FOXP4: variants seen among roughly 807,000 people sequenced by gnomAD.
FOXP4 encodes forkhead box protein P4.
Under a neutral mutation model 82.6 loss-of-function variants are expected in FOXP4, and 25 were observed. The ratio of observed to expected loss-of-function variants is 0.30; its 90% CI spans 0.22 to 0.42. The LOEUF is 0.42. FOXP4 is among the 10% of genes least tolerant of loss of function. The pLI is 1.00. For synonymous variants in FOXP4, 415 were observed against 388.2 expected, an observed-to-expected ratio of 1.07 and a Z score of -0.81; for missense variants, 785 against 900.9, an observed-to-expected ratio of 0.87 and a Z score of 1.65.
chr6:41,558,644 G>A lies in FOXP4; in HGVS notation c.-16-7101G>A, dbSNP rs2127327982. Among the ~76,000 whole-genome samples, 1 of 152,316 alleles carries A rather than the reference G, an allele frequency of 6.6e-6. No individual in the cohort carries two copies. Among genetic ancestry groups the A allele is most frequent in the South Asian group, 2.1e-4 (1 of 4,820 alleles). ...TTAGCAGTTCATCTGGCAAATGAGT[G>A]GCTGGCTAAGTAAGCCAGAGGCCCA... On this transcript the variant is annotated intron_variant, in intron 1 of 16. Coordinates refer to ENST00000307972, the MANE Select transcript of FOXP4 (RefSeq NM_001012426.2). This position sits in a 1 kb window ranked among gnomAD's most constrained non-coding sequence, Gnocchi z 4.0.
chr6:41,574,899 C>T (rs184587282), intron 2 of FOXP4, among the ~76,000 whole-genome samples: 32 of 152,312 alleles, frequency 2.1e-4, no homozygotes, highest in African/African-American at 7.5e-4. Context: ...CCTTCTCTGA[C>T]CCCTGGCACT....
Position 41,601,168 on chromosome 6 carries a change from G to A in FOXP4, c.*2232G>A, listed in dbSNP as rs913075. 0.28 allele frequency: 42,101 copies of A among 152,208 alleles called. 6,741 individuals are homozygous for A. Among genetic ancestry groups the A allele is most frequent in the African/African-American group, 0.45 (18,479 of 41,456 alleles). The allele number at this position is 152,208 out of a possible 1,614,324, so 9.4% of individuals were successfully genotyped here. On this transcript the variant is annotated 3_prime_UTR_variant, in exon 17 of 17. Transcript: ENST00000307972. ...TGAAGCAGTAGGACCATTAGTGTGC[G>A]TGCACACCCACGTGGCACACTGTGT...
chr6:41,548,823 CCTTTTTT>C (rs386700568), intron 1 of FOXP4, among the ~76,000 whole-genome samples: 3 of 109,170 alleles, frequency 2.7e-5, no homozygotes, highest in African/African-American at 9.7e-5. Context: ...AGTCTGAAGG[CCTTTTTT>C]TTTTTTTTTT....
intron 2 of FOXP4, among the ~76,000 whole-genome samples, chr6:41,577,487 G>A (rs1347446721): frequency 2.6e-5 from 4 of 152,234 alleles, no homozygotes; most frequent in Middle Eastern, 3.4e-3. Flanking sequence ...CTCTGATGCC[G>A]CCTAGCTGTA....
chr6:41,572,906 G>A (rs1482558666), intron 2 of FOXP4, among the ~76,000 whole-genome samples: 1 of 152,072 alleles, frequency 6.6e-6, no homozygotes. Context: ...CTGGATCTCT[G>A]TTTCTCCATC....
chr6:41,571,413 C>G (rs1230458937), intron 2 of FOXP4, among the ~76,000 whole-genome samples: 1 of 152,224 alleles, frequency 6.6e-6, no homozygotes, highest in East Asian at 1.9e-4. Context: ...CTCATCCACG[C>G]TGTTGAGTTC....
At chr6:41,552,739 G>A (rs1270526802) in intron 1 of FOXP4, among the ~76,000 whole-genome samples, 1 of 152,134 alleles carries the variant, frequency 6.6e-6, no homozygotes, top group Non-Finnish European at 1.5e-5. Context: ...CGGAAACACT[G>A]GAAGAGGGGA....
Position 41,597,772 on chromosome 6 carries a change from C to T in FOXP4, c.1726-9C>T. ...GCCACTGACGAGGCCCAACCCTGTG[C>T]CCCTGCAGGCCGCCCTGGCCGAGAG... On this transcript the variant is annotated splice_polypyrimidine_tract_variant and intron_variant, in intron 15 of 16. Coordinates refer to ENST00000307972, the MANE Select transcript of FOXP4 (RefSeq NM_001012426.2). 6.2e-7 allele frequency: 1 copy of T among 1,604,222 alleles called. No homozygotes were observed. The highest frequency in any genetic ancestry group is 8.5e-7 in the Non-Finnish European group (1 of 1,178,536).
intron 3 of FOXP4, among the ~76,000 whole-genome samples, chr6:41,584,292 C>T (rs886867761): frequency 7.2e-5 from 11 of 152,360 alleles, no homozygotes; most frequent in African/African-American, 2.6e-4. Context: ...ACTGCCCTCC[C>T]AGCCAGGCCT....
At chr6:41,551,193 C>T (rs1581694605) in intron 1 of FOXP4, among the ~76,000 whole-genome samples, 1 of 152,222 alleles carries the variant, frequency 6.6e-6, no homozygotes, top group African/African-American at 2.4e-5. Flanking sequence ...ACGCAGGGCA[C>T]ACCTGCCTGA....
chr6:41,570,827 G>A (rs1671260169), intron 2 of FOXP4, among the ~76,000 whole-genome samples: 1 of 152,152 alleles, frequency 6.6e-6, no homozygotes, highest in Admixed American at 6.5e-5. Flanking sequence ...TGCATCCTAG[G>A]GTCACCTCAT....
At chr6:41,592,492 A>G (rs1281769703) in intron 13 of FOXP4, among the ~76,000 whole-genome samples, 2 of 152,136 alleles carry the variant, frequency 1.3e-5, no homozygotes, top group East Asian at 3.8e-4. Context: ...CTTGCTTGGG[A>G]CCACCTGGTC....
At chr6:41,552,047 G>A (rs985124268) in intron 1 of FOXP4, among the ~76,000 whole-genome samples, 1 of 152,174 alleles carries the variant, frequency 6.6e-6, no homozygotes, top group East Asian at 1.9e-4. Context: ...GAGCCCTTAG[G>A]AGGGCCTCCC....
chr6:41,577,165 G>A lies in FOXP4; in HGVS notation c.205-821G>A, dbSNP rs989241079. ...AGCAATCTCCATATGCCTCCCACTC[G>A]TATGACCCCTCTGGCTCAGTTCAGT... On this transcript the variant is annotated intron_variant, in intron 2 of 16. Transcript: ENST00000307972. Among the ~76,000 whole-genome samples, 14 of 152,092 alleles carry A rather than the reference G, an allele frequency of 9.2e-5. No homozygotes were observed. In the East Asian group the frequency reaches 1.3e-3, roughly 15 times the overall value.
In FOXP4 at chr6:41,598,821, A is replaced by G; in HGVS notation, c.1928A>G (p.Glu643Gly). ...HQVQVKEEPAEAEEDRQPGPP... is the reference protein window; with the variant it reads ...HQVQVKEEPAGAEEDRQPGPP... ...GTGCAGGTGAAGGAGGAGCCAGCAG[A>G]GGCAGAGGAAGACAGGCAGCCCGGG... is the stretch of plus-strand genomic sequence containing the variant. Residue 643 changes from glutamate to glycine, a missense_variant, in exon 17 of 17, where the codon GAG becomes GGG. Glu to Gly is a moderately conservative substitution (Grantham distance 98, BLOSUM62 -2). This residue lies in a region of FOXP4 where 184 missense variants were observed against 187.3 expected (regional missense o/e 0.98). Coordinates refer to ENST00000307972, the MANE Select transcript of FOXP4 (RefSeq NM_001012426.2). 2 of 1,572,548 alleles carry G rather than the reference A, an allele frequency of 1.3e-6. No homozygotes were observed. Among genetic ancestry groups the G allele is most frequent in the Non-Finnish European group, 1.7e-6 (2 of 1,159,254 alleles).
intron 5 of FOXP4, 68 bp downstream of exon 5, chr6:41,585,585 T>C (rs1296596777): frequency 1.4e-6 from 2 of 1,432,084 alleles, no homozygotes; most frequent in East Asian, 2.4e-5. Context: ...CCAGAGCTGG[T>C]CAGGAGGGAA....
At chr6:41,590,881 T>A (rs1055785359) in intron 12 of FOXP4, among the ~76,000 whole-genome samples, 2 of 152,184 alleles carry the variant, frequency 1.3e-5, no homozygotes, top group Non-Finnish European at 2.9e-5. Flanking sequence ...CCCGTGGACA[T>A]CTCTCCCAAG....
At position 41,594,850 on chromosome 6, in the gene FOXP4, C is replaced by T; in HGVS notation, c.1537-20C>T. On this transcript the variant is annotated intron_variant, in intron 13 of 16. Coordinates refer to ENST00000307972, the MANE Select transcript of FOXP4 (RefSeq NM_001012426.2). ...TGGCCAAGCAAGCCGCCTCTGAGCTCCTCTTCACTGCACCCACAGAACGCC... is the reference window on the plus strand; with the variant it reads ...TGGCCAAGCAAGCCGCCTCTGAGCTTCTCTTCACTGCACCCACAGAACGCC... The T allele has an allele frequency of 1.9e-6, 3 of 1,613,582 alleles. No individual in the cohort carries two copies. The East Asian group carries it at 6.7e-5, about 36-fold the overall frequency.
At chr6:41,573,434 A>G (rs1243809078) in intron 2 of FOXP4, among the ~76,000 whole-genome samples, 1 of 152,044 alleles carries the variant, frequency 6.6e-6, no homozygotes, top group African/African-American at 2.4e-5. Flanking sequence ...GTTATAAGCC[A>G]TTTGTTCCTA....
Sources: allele counts gnomAD v4.1 joint callset (sites outside exome capture counted in the v4.1 genomes callset), GRCh38; gene constraint gnomAD v4.1.1; regional missense constraint gnomAD v4.1.1; non-coding constraint Gnocchi (gnomAD v3.1); transcripts MANE v1.5; gene names NCBI Gene and HGNC (gene_info 2026-07-23, HGNC 2026-07-21).